NEDD4: variants seen among roughly 807,000 people sequenced by gnomAD.
NEDD4 encodes E3 ubiquitin-protein ligase NEDD4.
NEDD4 carries 99 observed loss-of-function variants against 144.9 expected under a neutral mutation model. The observed-to-expected ratio is 0.68, with a 90% CI of 0.58 to 0.81. The LOEUF is 0.81. Ranked by LOEUF, NEDD4 falls within the 30% of genes least tolerant of loss-of-function variation. The pLI is 0.00. For synonymous variants in NEDD4, 318 were observed against 350.6 expected, an observed-to-expected ratio of 0.91 and a Z score of 1.04; for missense variants, 985 against 1,065.9, an observed-to-expected ratio of 0.92 and a Z score of 1.06.
chr15:55,953,034 G>A (rs1168337219), intron 2 of NEDD4, among the ~76,000 whole-genome samples: 1 of 150,388 alleles, frequency 6.6e-6, no homozygotes, highest in Non-Finnish European at 1.5e-5. Context: ...CTGTTGCCCA[G>A]GCTGGAGTGC....
intron 1 of NEDD4, among the ~76,000 whole-genome samples, chr15:55,966,897 T>A (rs12902173): frequency 0.07 from 10,532 of 151,168 alleles, 475 homozygotes; most frequent in Non-Finnish European, 0.1. Context: ...TGGCTTTTGG[T>A]TTTTTTTTGA....
chr15:55,914,535 A>C (rs550071939), intron 5 of NEDD4, among the ~76,000 whole-genome samples: 1 of 152,116 alleles, frequency 6.6e-6, no homozygotes, highest in African/African-American at 2.4e-5. Context: ...AGCAATTTAA[A>C]CCAAATTCAA....
At chr15:55,921,454 A>G (rs796861391) in intron 5 of NEDD4, among the ~76,000 whole-genome samples, 23 of 152,126 alleles carry the variant, frequency 1.5e-4, no homozygotes, top group African/African-American at 5.5e-4. Flanking sequence ...TCTCCAGAGT[A>G]GCCGGGACTA....
intron 19 of NEDD4, among the ~76,000 whole-genome samples, chr15:55,841,224 G>A (rs1202600495): frequency 2.6e-5 from 4 of 152,122 alleles, no homozygotes; most frequent in Non-Finnish European, 5.9e-5. Context: ...GAGCCACCAC[G>A]CCCAGCCTAA....
At chr15:55,856,985 A>T (rs2034220956) in intron 11 of NEDD4, among the ~76,000 whole-genome samples, 1 of 152,232 alleles carries the variant, frequency 6.6e-6, no homozygotes, top group South Asian at 2.1e-4. Flanking sequence ...AAATGCCTTA[A>T]GGGTTACTTG....
At chr15:55,991,759 T>A (rs2037991427) in intron 1 of NEDD4, among the ~76,000 whole-genome samples, 1 of 152,232 alleles carries the variant, frequency 6.6e-6, no homozygotes, top group South Asian at 2.1e-4. Context: ...AGGGTGGAGT[T>A]TCTGGCCTTT....
At chr15:55,892,426 A>C (rs1489491989) in intron 5 of NEDD4, among the ~76,000 whole-genome samples, 1 of 151,994 alleles carries the variant, frequency 6.6e-6, no homozygotes, top group East Asian at 1.9e-4. Flanking sequence ...CAAGATAGCC[A>C]AGGTTTTCTG....
intron 5 of NEDD4, among the ~76,000 whole-genome samples, chr15:55,905,867 CTTTAG>C (rs2036073560): frequency 6.6e-6 from 1 of 152,100 alleles, no homozygotes; most frequent in African/African-American, 2.4e-5. Context: ...TGCAGAAGCT[CTTTAG>C]TTTAATTAGA....
In NEDD4 at chr15:55,988,123, A is replaced by C. The variant is rs1224650050; in HGVS notation, c.45+5388T>G. ...GATTAAGAAAATGTGGCACATATAC[A>C]CCATGGAATACTATGCAGCCATAAA... On this transcript the variant is annotated intron_variant, in intron 1 of 28. Coordinates refer to ENST00000435532, the MANE Select transcript of NEDD4 (RefSeq NM_006154.4). The C allele has an allele frequency of 2.1e-5, 3 of 144,276 alleles. No individual in the cohort carries two copies. In the Admixed American group the frequency reaches 2.1e-4, roughly 10 times the overall value. The allele number at this position is 144,276 out of a possible 1,614,324, so 8.9% of individuals were successfully genotyped here.
chr15:55,965,539 T>C (rs1335088538), intron 2 of NEDD4, among the ~76,000 whole-genome samples: 1 of 152,142 alleles, frequency 6.6e-6, no homozygotes, highest in African/African-American at 2.4e-5. Context: ...GCTCTTCAGC[T>C]CTCTCTCTTC....
Position 55,838,088 on chromosome 15 carries a change from A to T in NEDD4, c.2201+19T>A, listed in dbSNP as rs11071227. Reference sequence around the variant, plus strand: ...TACAAAATTATATCCAATAAAATACATACTAATAAAATACTTACTAAATAT... The same window carrying T: ...TACAAAATTATATCCAATAAAATACTTACTAATAAAATACTTACTAAATAT... On this transcript the variant is annotated intron_variant, in intron 23 of 28. Transcript: ENST00000435532. The T allele has an allele frequency of 0.93, 1,247,460 of 1,347,464 alleles. 577,004 individuals carry two copies. The highest frequency in any genetic ancestry group is 0.95 in the East Asian group (37,941 of 39,974). The allele number at this position is 1,347,464 out of a possible 1,614,324, so 83.5% of individuals were successfully genotyped here.
At chr15:55,847,331 A>T (rs948308450) in intron 17 of NEDD4, among the ~76,000 whole-genome samples, 8 of 152,232 alleles carry the variant, frequency 5.3e-5, no homozygotes, top group African/African-American at 1.7e-4. Context: ...ATTAGAAACA[A>T]AAATTTCCAT....
intron 5 of NEDD4, among the ~76,000 whole-genome samples, chr15:55,911,107 G>C (rs551973832): frequency 1.2e-3 from 189 of 152,218 alleles, no homozygotes; most frequent in Non-Finnish European, 2.0e-3. Context: ...TTCTAGCCTT[G>C]CATATGCTGC....
chr15:55,879,145 G>C (rs1447398577), intron 5 of NEDD4, among the ~76,000 whole-genome samples: 1 of 152,066 alleles, frequency 6.6e-6, no homozygotes, highest in Non-Finnish European at 1.5e-5. Flanking sequence ...ATTATAAAAA[G>C]AAGATACAAA....
chr15:55,902,950 G>A (rs1482274816), intron 5 of NEDD4, among the ~76,000 whole-genome samples: 9 of 152,126 alleles, frequency 5.9e-5, no homozygotes, highest in South Asian at 2.1e-4. Context: ...GCAGTGAACC[G>A]AGATCGTGCT....
intron 2 of NEDD4, among the ~76,000 whole-genome samples, chr15:55,961,950 TTTAG>T: frequency 6.6e-6 from 1 of 152,360 alleles, no homozygotes; most frequent in African/African-American, 2.4e-5. Context: ...GATTTTTTTA[TTTAG>T]TTGTTTTATC....
chr15:55,878,733 C>T (rs973349331), intron 5 of NEDD4, among the ~76,000 whole-genome samples: 1 of 152,324 alleles, frequency 6.6e-6, no homozygotes, highest in Admixed American at 6.5e-5. Flanking sequence ...GTGGGATATA[C>T]AACTAGTAGA....
At chr15:55,891,200 T>C (rs2035560603) in intron 5 of NEDD4, among the ~76,000 whole-genome samples, 1 of 152,220 alleles carries the variant, frequency 6.6e-6, no homozygotes, top group South Asian at 2.1e-4. Context: ...GAAATGAGTT[T>C]CTTCACTTCT....
intron 1 of NEDD4, among the ~76,000 whole-genome samples, chr15:55,981,612 G>C (rs1175205525): frequency 6.6e-5 from 10 of 152,170 alleles, no homozygotes; most frequent in Non-Finnish European, 1.3e-4. Flanking sequence ...AAGAGTTTTT[G>C]ACAGTAATAA....
Sources: allele counts gnomAD v4.1 joint callset (sites outside exome capture counted in the v4.1 genomes callset), GRCh38; gene constraint gnomAD v4.1.1; transcripts MANE v1.5; gene names NCBI Gene and HGNC (gene_info 2026-07-23, HGNC 2026-07-21).